INO80: variants seen among roughly 807,000 people sequenced by gnomAD.
INO80 encodes the protein chromatin-remodeling ATPase INO80.
In INO80, 20 loss-of-function variants were observed where a neutral mutation model predicts 203.4. The observed-to-expected ratio is 0.10, with a 90% confidence interval of 0.07 to 0.14. The LOEUF (loss-of-function observed/expected upper bound fraction) is 0.14. INO80 is among the 10% of genes least tolerant of loss of function. INO80 has a pLI of 1.00. For synonymous variants in INO80, 726 were observed against 685.2 expected (o/e 1.06, Z -0.93); for missense variants, 1,419 against 1,914.4 (o/e 0.74, Z 4.83).
intron 7 of INO80, among the ~76,000 whole-genome samples, chr15:41,082,628 C>T (rs1290776180): frequency 1.3e-5 from 2 of 152,052 alleles, no homozygotes; most frequent in South Asian, 2.1e-4. Context: ...TGCTTGAACC[C>T]GGGAGGTGGA....
chr15:40,993,832 T>C (rs1458102613), intron 29 of INO80, among the ~76,000 whole-genome samples: 1 of 152,110 alleles, frequency 6.6e-6, no homozygotes, highest in African/African-American at 2.4e-5. Flanking sequence ...AACTTCAGAC[T>C]CTGCTGCCTG....
chr15:41,061,097 G>T (rs1158559142), intron 14 of INO80, among the ~76,000 whole-genome samples: 2 of 152,016 alleles, frequency 1.3e-5, no homozygotes, highest in Non-Finnish European at 2.9e-5. Flanking sequence ...ACCTGAGCAT[G>T]GGAGTTTCAG....
intron 1 of INO80, among the ~76,000 whole-genome samples, chr15:41,114,666 G>A (rs985274026): frequency 4.1e-5 from 6 of 147,628 alleles, no homozygotes; most frequent in Non-Finnish European, 8.9e-5. Context: ...TCGGGACCCC[G>A]CCACTGCACT....
intron 25 of INO80, among the ~76,000 whole-genome samples, chr15:41,024,193 T>C (rs1202047542): frequency 6.6e-6 from 1 of 152,206 alleles, no homozygotes; most frequent in Non-Finnish European, 1.5e-5. Context: ...TATTTTTCAG[T>C]GTTTTGAGAG....
chr15:40,991,717 T>C (rs1240629737), intron 29 of INO80, among the ~76,000 whole-genome samples: 1 of 151,722 alleles, frequency 6.6e-6, no homozygotes, highest in African/African-American at 2.4e-5. Flanking sequence ...CCTGGCTGTA[T>C]AGGTCAGTGA....
In INO80 at chr15:41,090,993, C is replaced by T. The variant is rs182707496; in HGVS notation, c.537+1034G>A. Among the ~76,000 whole-genome samples the T allele has an allele frequency of 2.3e-3, 339 of 148,980 alleles. 2 individuals are homozygous for T. The highest frequency in any genetic ancestry group is 7.8e-3 in the African/African-American group (312 of 39,970). On this transcript the variant is annotated intron_variant, in intron 5 of 35. Transcript: ENST00000648947. ...AGGCAAGAGTGCAGTGGCTCAATCT[C>T]GGCTCACTGCAACCTCCACCTCCCG...
At chr15:41,000,251 G>C (rs1015823951) in intron 28 of INO80, among the ~76,000 whole-genome samples, 1 of 152,172 alleles carries the variant, frequency 6.6e-6, no homozygotes, top group African/African-American at 2.4e-5. Flanking sequence ...CCAATGGCTA[G>C]GACTTTTTTT....
intron 29 of INO80, among the ~76,000 whole-genome samples, chr15:40,994,963 C>G (rs1014397405): frequency 6.6e-6 from 1 of 152,296 alleles, no homozygotes; most frequent in East Asian, 1.9e-4. Flanking sequence ...TCAAGTGATT[C>G]TCCTGCCTCA....
chr15:41,025,298 G>A (rs1242834127), intron 25 of INO80, among the ~76,000 whole-genome samples: 2 of 152,218 alleles, frequency 1.3e-5, no homozygotes, highest in East Asian at 1.9e-4. Flanking sequence ...GAGTGGGACT[G>A]TTCTTGAGAG....
In INO80 at chr15:41,085,591, A is replaced by C; in HGVS notation, c.659-8T>G. 6.2e-7 allele frequency: 1 copy of C among 1,611,940 alleles called. No individual in the cohort carries two copies. The highest frequency in any genetic ancestry group is 1.7e-5 in the Admixed American group (1 of 59,912). On this transcript the variant is annotated splice_polypyrimidine_tract_variant and splice_region_variant and intron_variant, in intron 6 of 35. Transcript: ENST00000648947. ...TCACTTTTTTCAACTTAGCTGCAAA[A>C]GAAACAGATGCAACAGGTTGCACTT...
At chr15:41,082,313 C>T (rs572476289) in intron 7 of INO80, among the ~76,000 whole-genome samples, 14 of 151,628 alleles carry the variant, frequency 9.2e-5, no homozygotes, top group African/African-American at 3.1e-4. Context: ...CCTGCAACCC[C>T]GGCACTTTGG....
At chr15:41,070,605 C>A in intron 12 of INO80, 58 bp from the exon 13 acceptor site, 3 of 1,398,974 alleles carry the variant, frequency 2.1e-6, no homozygotes, top group Non-Finnish European at 1.0e-6. Flanking sequence ...AAAGTTCAAC[C>A]TGTTACCAAA....
intron 27 of INO80, among the ~76,000 whole-genome samples, chr15:41,012,397 T>C (rs2044144189): frequency 6.6e-6 from 1 of 151,462 alleles, no homozygotes; most frequent in African/African-American, 2.4e-5. Flanking sequence ...TGAAACCCCA[T>C]CTCTACAAAA....
chr15:41,071,979 C>A lies in INO80; in HGVS notation c.1475G>T (p.Gly492Val). The A allele has an allele frequency of 1.2e-6, 2 of 1,613,716 alleles. No individual in the cohort carries two copies. Among genetic ancestry groups the A allele is most frequent in the Non-Finnish European group, 1.7e-6 (2 of 1,179,892 alleles). Residue 492 changes from glycine (G) to valine (V), a missense_variant, in exon 12 of 36, where the codon GGG becomes GTG. Gly to Val is a moderately radical substitution (Grantham distance 109). Coordinates refer to ENST00000648947, the MANE Select transcript of INO80 (RefSeq NM_017553.3). ...RAANKSGTGF[G>V]ESYSLANPSI... Reference sequence around the variant, plus strand: ...TGGGTTAGCCAGGCTATAACTCTCCCCAAACCCAGTGCCAGACTTGTTTGC... The same window carrying A: ...TGGGTTAGCCAGGCTATAACTCTCCACAAACCCAGTGCCAGACTTGTTTGC...
chr15:41,054,572 T>TA (rs1374958029), intron 18 of INO80, among the ~76,000 whole-genome samples: 2 of 152,332 alleles, frequency 1.3e-5, no homozygotes, highest in East Asian at 3.9e-4. Flanking sequence ...TTGCTGTTTT[T>TA]ATCACAGGAA....
chr15:41,100,035 A>G (rs762028008), intron 1 of INO80, among the ~76,000 whole-genome samples: 9 of 152,176 alleles, frequency 5.9e-5, no homozygotes, highest in Admixed American at 1.3e-4. Context: ...TTAAGGAGGT[A>G]TGACTACCAA....
intron 24 of INO80, among the ~76,000 whole-genome samples, chr15:41,028,810 C>A (rs1247824784): frequency 6.6e-6 from 1 of 152,018 alleles, no homozygotes; most frequent in Non-Finnish European, 1.5e-5. Context: ...GAGCTGAGAT[C>A]GCACCATTGC....
At chr15:41,106,328 G>A (rs780355991) in intron 1 of INO80, among the ~76,000 whole-genome samples, 9 of 151,142 alleles carry the variant, frequency 6.0e-5, no homozygotes, top group Non-Finnish European at 1.0e-4. Context: ...AGGTTGCTGC[G>A]GGCTGAGATC....
chr15:40,981,986 G>A (rs1893849201), intron 35 of INO80, among the ~76,000 whole-genome samples: 1 of 152,166 alleles, frequency 6.6e-6, no homozygotes, highest in South Asian at 2.1e-4. Context: ...CTTATCAGCA[G>A]GACCATGGTT....
Sources: gnomAD v4.1 joint callset for allele counts (sites outside exome capture counted in the v4.1 genomes callset) on GRCh38, gnomAD v4.1.1 for gene constraint, MANE v1.5 for transcripts, NCBI Gene and HGNC (gene_info 2026-07-23, HGNC 2026-07-21) for gene names.